The following SLIT2 variants were observed in gnomAD, a reference collection of about 807,000 sequenced individuals.
The protein encoded by SLIT2 is slit guidance ligand 2.
SLIT2 carries 41 observed loss-of-function variants against 185.7 expected under a neutral mutation model. The observed-to-expected ratio is 0.22, with a 90% CI of 0.17 to 0.29. SLIT2 has a LOEUF of 0.29. SLIT2 is among the 10% of genes least tolerant of loss of function. The pLI is 1.00. For missense variants in SLIT2, 1,571 were observed against 1,909.0 expected (o/e 0.82, Z 3.30); for synonymous variants, 693 against 680.2 (o/e 1.02, Z -0.29).
At chr4:20,425,259 A>AT (rs1234822529) in intron 4 of SLIT2, among the ~76,000 whole-genome samples, 2 of 151,930 alleles carry the variant, frequency 1.3e-5, no homozygotes, top group Non-Finnish European at 2.9e-5. Flanking sequence ...ATTTTGTTGT[A>AT]TTTTTGCAGA....
chr4:20,495,338 T>G (rs1718137423), intron 9 of SLIT2, among the ~76,000 whole-genome samples: 2 of 151,930 alleles, frequency 1.3e-5, no homozygotes, highest in African/African-American at 2.4e-5. Flanking sequence ...AGTGTGAGAG[T>G]TATATAAGAT....
chr4:20,276,728 G>C (rs1714203751), intron 4 of SLIT2, among the ~76,000 whole-genome samples: 1 of 152,154 alleles, frequency 6.6e-6, no homozygotes, highest in African/African-American at 2.4e-5. Flanking sequence ...GAATAGCTGA[G>C]AACAGCACAG....
chr4:20,562,459 T>G (rs553196539), intron 26 of SLIT2, among the ~76,000 whole-genome samples: 1 of 151,910 alleles, frequency 6.6e-6, no homozygotes, highest in South Asian at 2.1e-4. Flanking sequence ...TCTTCTCCCT[T>G]GATGGCTTGC....
At chr4:20,345,861 C>T (rs561049704) in intron 4 of SLIT2, among the ~76,000 whole-genome samples, 11 of 152,162 alleles carry the variant, frequency 7.2e-5, no homozygotes, top group Admixed American at 7.2e-4. Context: ...TGTGACTCTT[C>T]TTGATCCCCT....
chr4:20,375,833 G>A (rs1047326265), intron 4 of SLIT2, among the ~76,000 whole-genome samples: 1 of 151,994 alleles, frequency 6.6e-6, no homozygotes, highest in Non-Finnish European at 1.5e-5. Flanking sequence ...AATGCACTAT[G>A]TGCTTTCATT....
Position 20,519,452 on chromosome 4 carries a change from C to T in SLIT2, c.1129C>T (p.Leu377=), listed in dbSNP as rs764401266. The T allele has an allele frequency of 1.3e-6, 2 of 1,552,154 alleles. No homozygotes were observed. The highest frequency in any genetic ancestry group is 1.1e-5 in the South Asian group (1 of 89,482). ...TGAAGGACTGTTTTCCTTACAGCTC[C>T]TGTAAGTATTTGATTGTTTTGGATC... ...LFEGLFSLQL[L]LLNANKINCL... is the part of the protein sequence containing the mutation. Residue 377 remains leucine, a splice_region_variant and synonymous_variant, in exon 12 of 37, where the codon CTA becomes TTA. Transcript: ENST00000504154.
At chr4:20,430,222 A>G (rs1660026420) in intron 4 of SLIT2, among the ~76,000 whole-genome samples, 1 of 152,068 alleles carries the variant, frequency 6.6e-6, no homozygotes, top group Non-Finnish European at 1.5e-5. Flanking sequence ...AATAATTTTC[A>G]GATTTAGGGT....
chr4:20,531,203 A>G (rs1721780612), intron 16 of SLIT2, among the ~76,000 whole-genome samples: 1 of 152,218 alleles, frequency 6.6e-6, no homozygotes. Flanking sequence ...ATTTATAGCC[A>G]TCAAAGAATG....
At chr4:20,594,528 G>A (rs1368044029) in intron 30 of SLIT2, among the ~76,000 whole-genome samples, 1 of 151,984 alleles carries the variant, frequency 6.6e-6, no homozygotes, top group Non-Finnish European at 1.5e-5. Flanking sequence ...GGTAGAGGGA[G>A]GCTTCCAGAA....
rs971165870 is a variant in SLIT2, at chr4:20,533,860, A to G, written c.1832+145A>G. 31 of 674,702 alleles carry G rather than the reference A, an allele frequency of 4.6e-5. No homozygotes were observed. In the Middle Eastern group the frequency reaches 2.3e-3, roughly 51 times the overall value. 41.8% of individuals were successfully genotyped at this position (674,702 alleles called of 1,614,324 possible). On this transcript the variant is annotated intron_variant, in intron 18 of 36. Transcript: ENST00000504154. Reference sequence around the variant, plus strand: ...CATTCTCTGTTACACACACATACACACCGCTACACACACACACATGTATTG... The same window carrying G: ...CATTCTCTGTTACACACACATACACGCCGCTACACACACACACATGTATTG...
chr4:20,286,148 A>G (rs1715246528), intron 4 of SLIT2, among the ~76,000 whole-genome samples: 1 of 152,220 alleles, frequency 6.6e-6, no homozygotes, highest in African/African-American at 2.4e-5. Context: ...TGTTCTGGGG[A>G]TAAGAGGGTC....
At chr4:20,403,812 G>T (rs951742696) in intron 4 of SLIT2, among the ~76,000 whole-genome samples, 3 of 151,448 alleles carry the variant, frequency 2.0e-5, no homozygotes, top group African/African-American at 7.3e-5. Context: ...ATTTTAATTT[G>T]CTATGGTAGA....
Position 20,254,893 on chromosome 4 carries a change from G to T in SLIT2, c.179+899G>T. The stretch of plus-strand genomic sequence containing the variant: ...TGCCTTCCCCTCTTCGCGCTCCGTT[G>T]CTCGCAGACGTCCCCGCCTCCCTGT... On this transcript the variant is annotated intron_variant, in intron 1 of 36. Coordinates refer to ENST00000504154, the MANE Select transcript of SLIT2 (RefSeq NM_004787.4). The surrounding 1 kb of genome is among the most constrained non-coding windows in gnomAD (Gnocchi z 5.1). The T allele has an allele frequency of 4.4e-6, 2 of 456,056 alleles. No individual in the cohort carries two copies. Among genetic ancestry groups the T allele is most frequent in the Non-Finnish European group, 4.4e-6 (1 of 226,870 alleles). The allele number at this position is 456,056 out of a possible 1,614,324, so 28.3% of individuals were successfully genotyped here.
intron 4 of SLIT2, among the ~76,000 whole-genome samples, chr4:20,352,613 T>A (rs1249122874): frequency 1.3e-5 from 2 of 152,152 alleles, no homozygotes; most frequent in Admixed American, 1.3e-4. Context: ...GGATGTTTTA[T>A]CTTTTAAGAA....
intron 3 of SLIT2, among the ~76,000 whole-genome samples, chr4:20,259,393 A>G (rs914922539): frequency 1.3e-5 from 2 of 151,734 alleles, no homozygotes; most frequent in South Asian, 4.1e-4. Context: ...TATCATTTAA[A>G]CTTTATGTTT....
Position 20,472,499 on chromosome 4 carries a change from T to G in SLIT2, c.467+4676T>G, listed in dbSNP as rs1199963845. Among the ~76,000 whole-genome samples, 3 of 26,772 alleles carry G rather than the reference T, an allele frequency of 1.1e-4. 1 individual carries two copies. Among genetic ancestry groups the G allele is most frequent in the African/African-American group, 6.6e-4 (3 of 4,516 alleles). 17.6% of individuals were successfully genotyped at this position (26,772 alleles called of 152,430 possible). A position where few individuals can be genotyped will look rare whatever the true frequency, so the allele number is the denominator to read the frequency against. ...AGATATATATCTATATATAGATATA[T>G]ATCTATATATAGATAGATATATATC... On this transcript the variant is annotated intron_variant, in intron 5 of 36. Coordinates refer to ENST00000504154, the MANE Select transcript of SLIT2 (RefSeq NM_004787.4).
At chr4:20,499,511 A>G (rs1270509266) in intron 9 of SLIT2, among the ~76,000 whole-genome samples, 1 of 152,042 alleles carries the variant, frequency 6.6e-6, no homozygotes, top group Non-Finnish European at 1.5e-5. Context: ...TGTTTTTGAG[A>G]CAGAGTCTCG....
intron 5 of SLIT2, among the ~76,000 whole-genome samples, chr4:20,477,503 T>C (rs888047837): frequency 3.9e-5 from 6 of 152,048 alleles, no homozygotes; most frequent in African/African-American, 1.4e-4. Flanking sequence ...CTAGCCGAGG[T>C]CATGAATGTT....
intron 18 of SLIT2, among the ~76,000 whole-genome samples, chr4:20,535,041 C>T (rs1722146864): frequency 6.6e-6 from 1 of 152,098 alleles, no homozygotes; most frequent in Admixed American, 6.5e-5. Context: ...TGGCTCATGC[C>T]TGTAATCCCA....
Sources: allele counts gnomAD v4.1 joint callset (sites outside exome capture counted in the v4.1 genomes callset), GRCh38; gene constraint gnomAD v4.1.1; non-coding constraint Gnocchi (gnomAD v3.1); transcripts MANE v1.5; gene names NCBI Gene and HGNC (gene_info 2026-07-23, HGNC 2026-07-21).